SLC15A2: variants seen among roughly 807,000 people sequenced by gnomAD.
SLC15A2 encodes the protein solute carrier family 15 member 2, also known as kidney H(+)/peptide cotransporter.
In SLC15A2, 77 loss-of-function variants were observed where a neutral mutation model predicts 95.5. The ratio of observed to expected loss-of-function variants is 0.81; its 90% confidence interval spans 0.67 to 0.97. The LOEUF is 0.97. Among genes scored for constraint, SLC15A2 ranks in the 50% least tolerant of loss-of-function variants. The pLI is 0.00. For synonymous variants in SLC15A2, 306 were observed against 306.9 expected (o/e 1.00, Z 0.03); for missense variants, 893 against 874.4 (o/e 1.02, Z -0.27).
At chr3:121,906,131 T>C (rs964985647) in intron 3 of SLC15A2, among the ~76,000 whole-genome samples, 2 of 152,228 alleles carry the variant, frequency 1.3e-5, no homozygotes, top group Non-Finnish European at 2.9e-5. Context: ...TTGATCTTTG[T>C]TGGTTTAAAG....
chr3:121,941,518 T>C lies in SLC15A2; in HGVS notation c.*511T>C, dbSNP rs567058006. On this transcript the variant is annotated 3_prime_UTR_variant, in exon 22 of 22. Coordinates refer to ENST00000489711, the MANE Select transcript of SLC15A2 (RefSeq NM_021082.4). ...GATCTGGTCCAGCCAGGGCCTGGCT[T>C]GTCAGCTCTCTAGGTTTGATATGAC... The C allele has an allele frequency of 6.6e-6, 1 of 152,264 alleles. No homozygotes were observed. Among genetic ancestry groups the C allele is most frequent in the Non-Finnish European group, 1.5e-5 (1 of 68,052 alleles). The allele number at this position is 152,264 out of a possible 1,614,324, so 9.4% of individuals were successfully genotyped here. A position where few individuals can be genotyped will look rare whatever the true frequency, so the allele number is the denominator to read the frequency against.
rs1012580135 is a variant in SLC15A2 at position 121,928,637 on chromosome 3, G to A, written c.1341+82G>A. 1.0e-5 allele frequency: 15 copies of A among 1,436,448 alleles called. No homozygotes were observed. In the Admixed American group the frequency reaches 1.2e-4, roughly 12 times the overall value. 89.0% of individuals were successfully genotyped at this position (1,436,448 alleles called of 1,614,324 possible). A position where few individuals can be genotyped will look rare whatever the true frequency, so the allele number is the denominator to read the frequency against. ...TTCCTTAACATTAATTGTATCATAA[G>A]CATCTTCCCATGTCTTTAGATAATC... is the stretch of plus-strand genomic sequence containing the variant. On this transcript the variant is annotated intron_variant, in intron 15 of 21. Transcript: ENST00000489711.
intron 17 of SLC15A2, among the ~76,000 whole-genome samples, chr3:121,930,494 A>G (rs1710210225): frequency 6.6e-6 from 1 of 152,178 alleles, no homozygotes; most frequent in African/African-American, 2.4e-5. Flanking sequence ...AGATTCCACC[A>G]TTATAAGGGA....
At chr3:121,934,604 C>T (rs1392838230) in intron 19 of SLC15A2, among the ~76,000 whole-genome samples, 3 of 151,100 alleles carry the variant, frequency 2.0e-5, no homozygotes, top group African/African-American at 7.3e-5. Context: ...GATTTTTGTA[C>T]ATTGATTTTG....
intron 6 of SLC15A2, 102 bp from the exon 7 acceptor site, chr3:121,915,514 T>C: frequency 1.1e-6 from 1 of 932,478 alleles, no homozygotes. Flanking sequence ...GTTATGTCTA[T>C]TCTACAAGCT....
intron 19 of SLC15A2, among the ~76,000 whole-genome samples, chr3:121,932,911 C>G (rs1177607616): frequency 1.3e-5 from 2 of 151,922 alleles, no homozygotes; most frequent in East Asian, 1.9e-4. Context: ...TCCCTCCCCC[C>G]TCCGCGCACC....
In SLC15A2 at chr3:121,913,030, A is replaced by G. The variant is rs1709805304; in HGVS notation, c.438A>G (p.Ser146=). The change falls in exon 5 of 22, where the codon TCA becomes TCG. Residue 146 remains serine (S), a synonymous_variant. Transcript: ENST00000489711. Reference sequence around the variant, plus strand: ...CACCTCTCCATTTCAGAGTCCTATCATTGATCGGCCTGAGTCTAATAGCTT... The same window carrying G: ...CACCTCTCCATTTCAGAGTCCTATCGTTGATCGGCCTGAGTCTAATAGCTT... ...LGGQVVHTVL[S]LIGLSLIALG... 6.2e-7 allele frequency: 1 copy of G among 1,613,146 alleles called. No individual in the cohort carries two copies. The highest frequency in any genetic ancestry group is 8.5e-7 in the Non-Finnish European group (1 of 1,179,258).
At chr3:121,926,127 T>C (rs1209621332) in intron 13 of SLC15A2, among the ~76,000 whole-genome samples, 1 of 152,070 alleles carries the variant, frequency 6.6e-6, no homozygotes, top group Non-Finnish European at 1.5e-5. Context: ...CCTTGAAAAG[T>C]AATTGGTCAT....
intron 19 of SLC15A2, among the ~76,000 whole-genome samples, chr3:121,934,504 T>C (rs1045732898): frequency 6.6e-6 from 1 of 151,700 alleles, no homozygotes; most frequent in African/African-American, 2.4e-5. Context: ...GATTCCTAGG[T>C]ATTTTATTCT....
intron 1 of SLC15A2, 33 bp downstream of exon 1, chr3:121,894,614 G>C (rs777566192): frequency 7.2e-6 from 11 of 1,537,466 alleles, no homozygotes; most frequent in Non-Finnish European, 9.0e-6. Flanking sequence ...GCCTCTGAGA[G>C]GAATGGCCTC....
intron 4 of SLC15A2, among the ~76,000 whole-genome samples, chr3:121,911,905 AC>A (rs1709775639): frequency 1.3e-5 from 2 of 151,986 alleles, no homozygotes; most frequent in South Asian, 2.1e-4. Flanking sequence ...AATAATCAAA[AC>A]CTTCATACCC....
chr3:121,911,609 GC>G lies in SLC15A2; in HGVS notation c.373del (p.His125MetfsTer2). Reference sequence around the variant, plus strand: ...TATCTCTCCTTGGTGTATGTGCTTGGCCATGTGATCAAGTCCTTGGGTGCCT... The same window carrying G: ...TATCTCTCCTTGGTGTATGTGCTTGGCATGTGATCAAGTCCTTGGGTGCCT... ...IIYLSLVYVL[G>X]HVIKSLGALP... On this transcript the variant is annotated frameshift_variant, in exon 4 of 22. Transcript: ENST00000489711. LOFTEE classifies it high-confidence loss of function. 1.9e-6 allele frequency: 3 copies of G among 1,614,050 alleles called. No individual in the cohort carries two copies. Among genetic ancestry groups the G allele is most frequent in the Non-Finnish European group, 2.5e-6 (3 of 1,179,936 alleles).
At chr3:121,922,133 C>A in intron 7 of SLC15A2, 87 bp from the exon 8 acceptor site, 1 of 1,041,224 alleles carries the variant, frequency 9.6e-7, no homozygotes, top group South Asian at 1.4e-5. Context: ...TGGTTTTTGC[C>A]ATTGAAAGTA....
rs557830448 is a variant in SLC15A2, at chr3:121,924,649, G to T, written c.1035+266G>T. On this transcript the variant is annotated intron_variant, in intron 12 of 21. Transcript: ENST00000489711. ...TAATCAAAATCTTGTAAAAGAAATTGTAAGGCTTATTTTGTGAGCAATGAA... is the reference window on the plus strand; with the variant it reads ...TAATCAAAATCTTGTAAAAGAAATTTTAAGGCTTATTTTGTGAGCAATGAA... 8.5e-5 allele frequency among the ~76,000 whole-genome samples: 13 copies of T among 152,240 alleles called. No homozygotes were observed. The South Asian group carries it at 2.5e-3, about 29-fold the overall frequency.
chr3:121,936,723 G>C (rs1710356062), intron 19 of SLC15A2, among the ~76,000 whole-genome samples: 2 of 149,922 alleles, frequency 1.3e-5, no homozygotes, highest in South Asian at 2.2e-4. Context: ...TATCCAATTT[G>C]CCAGTCTGTG....
At chr3:121,915,822 A>G in intron 7 of SLC15A2, 129 bp downstream of exon 7, 1 of 625,504 alleles carries the variant, frequency 1.6e-6, no homozygotes, top group Non-Finnish European at 2.8e-6. Context: ...CTGTTATTGT[A>G]AGGGTTTCCC....
intron 3 of SLC15A2, among the ~76,000 whole-genome samples, chr3:121,899,007 C>T (rs1416163449): frequency 1.3e-5 from 2 of 152,076 alleles, no homozygotes; most frequent in Non-Finnish European, 2.9e-5. Context: ...CCAAGTTTAT[C>T]TAGATAGGAG....
At chr3:121,901,895 T>C (rs190416064) in intron 3 of SLC15A2, among the ~76,000 whole-genome samples, 4 of 152,236 alleles carry the variant, frequency 2.6e-5, no homozygotes, top group African/African-American at 2.4e-5. Context: ...CACGTGTTAC[T>C]TTGAGGGTGA....
intron 4 of SLC15A2, among the ~76,000 whole-genome samples, chr3:121,912,578 A>G (rs1305590980): frequency 6.6e-6 from 1 of 152,106 alleles, no homozygotes. Flanking sequence ...CCCGTCAAAA[A>G]TCTTTGACAC....
Sources: gnomAD v4.1 joint callset for allele counts (sites outside exome capture counted in the v4.1 genomes callset) on GRCh38, gnomAD v4.1.1 for gene constraint, MANE v1.5 for transcripts, NCBI Gene and HGNC (gene_info 2026-07-23, HGNC 2026-07-21) for gene names.